Variants in PKHD1 observed in about 807,000 individuals in gnomAD.
The protein encoded by PKHD1 is fibrocystin.
A neutral mutation model predicts 412.0 loss-of-function variants in PKHD1; 291 were observed. That is an observed-to-expected ratio of 0.71 (90% CI 0.64 to 0.78). PKHD1 has a LOEUF of 0.78. PKHD1 is among the 30% of genes least tolerant of loss of function. The pLI, the probability that PKHD1 is intolerant of heterozygous loss-of-function variation, is 0.00. For synonymous variants in PKHD1, 1,777 were observed against 1,821.5 expected (o/e 0.98, Z 0.62); for missense variants, 4,825 against 4,950.7 (o/e 0.97, Z 0.76).
intron 46 of PKHD1, among the ~76,000 whole-genome samples, chr6:51,871,355 G>A (rs1775972074): frequency 1.8e-5 from 1 of 55,162 alleles, no homozygotes; most frequent in South Asian, 4.6e-4. Context: ...AATAAGGAAT[G>A]TAATATTGAT....
intron 48 of PKHD1, among the ~76,000 whole-genome samples, chr6:51,867,344 C>A (rs1436015099): frequency 6.6e-6 from 1 of 151,886 alleles, no homozygotes; most frequent in African/African-American, 2.4e-5. Context: ...GTCCTTGCTC[C>A]AATATTAATA....
intron 27 of PKHD1, among the ~76,000 whole-genome samples, chr6:52,037,569 A>G (rs1414725224): frequency 6.6e-6 from 1 of 152,226 alleles, no homozygotes; most frequent in East Asian, 1.9e-4. Flanking sequence ...CAATGCCCCT[A>G]AACACATGAA....
intron 53 of PKHD1, among the ~76,000 whole-genome samples, chr6:51,782,958 T>C (rs1195073168): frequency 2.0e-5 from 3 of 152,152 alleles, no homozygotes; most frequent in African/African-American, 7.2e-5. Context: ...TTCTTTAGGA[T>C]TGAGAAAGTC....
chr6:51,637,443 C>T (rs1175572489), intron 64 of PKHD1, among the ~76,000 whole-genome samples: 1 of 152,108 alleles, frequency 6.6e-6, no homozygotes, highest in Non-Finnish European at 1.5e-5. Context: ...ATAAATGTGA[C>T]TCTCATGAAA....
chr6:51,671,048 G>T (rs1475160452), intron 60 of PKHD1, among the ~76,000 whole-genome samples: 5 of 152,014 alleles, frequency 3.3e-5, no homozygotes, highest in Non-Finnish European at 7.3e-5. Flanking sequence ...TTCTCGAGGA[G>T]TATCTTTGTG....
At position 51,817,210 on chromosome 6, in the gene PKHD1, C is replaced by A. The variant is rs1765604344; in HGVS notation, c.8302+13651G>T. Reference sequence around the variant, plus strand: ...TTAGAAGTCAGCAATTTGGGAACCACTCTACATAAGGTATGTGCCTCTATT... The same window carrying A: ...TTAGAAGTCAGCAATTTGGGAACCAATCTACATAAGGTATGTGCCTCTATT... On this transcript the variant is annotated intron_variant, in intron 52 of 66. Coordinates refer to ENST00000371117, the MANE Select transcript of PKHD1 (RefSeq NM_138694.4). Among the ~76,000 whole-genome samples the A allele has an allele frequency of 2.0e-5, 3 of 152,292 alleles. No homozygotes were observed. The South Asian group carries it at 6.2e-4, about 32-fold the overall frequency.
intron 33 of PKHD1, among the ~76,000 whole-genome samples, chr6:52,022,202 T>A (rs1010059013): frequency 2.0e-5 from 3 of 152,148 alleles, no homozygotes; most frequent in African/African-American, 7.2e-5. Flanking sequence ...TACCACAATT[T>A]ATATGATCAC....
At chr6:51,721,546 C>G (rs1781928243) in intron 60 of PKHD1, 5 of 992,074 alleles carry the variant, frequency 5.0e-6, no homozygotes, top group Non-Finnish European at 4.8e-6. Flanking sequence ...GCTCTAATTC[C>G]AAAGATTTCA....
intron 8 of PKHD1, 76 bp from the exon 9 acceptor site, chr6:52,071,146 G>A (rs1329456071): frequency 9.2e-7 from 1 of 1,089,406 alleles, no homozygotes; most frequent in East Asian, 2.4e-5. Context: ...AACCAGGAAA[G>A]TAGAAAGCAA....
chr6:52,042,004 T>C (rs1266470903), intron 27 of PKHD1, among the ~76,000 whole-genome samples: 1 of 152,128 alleles, frequency 6.6e-6, no homozygotes, highest in Admixed American at 6.5e-5. Context: ...TATAACTCTA[T>C]AGAGAAAACT....
intron 21 of PKHD1, 114 bp downstream of exon 21, chr6:52,052,962 G>T: frequency 1.1e-6 from 1 of 930,882 alleles, no homozygotes; most frequent in Non-Finnish European, 1.7e-6. Context: ...GCCAAGGCAG[G>T]CAAAAAGGAG....
chr6:51,708,164 A>G (rs1009807235), intron 60 of PKHD1, among the ~76,000 whole-genome samples: 1 of 152,162 alleles, frequency 6.6e-6, no homozygotes, highest in Non-Finnish European at 1.5e-5. Flanking sequence ...GGATTCTCCC[A>G]GTACATGGCA....
At chr6:51,875,078 G>A (rs1450700519) in intron 46 of PKHD1, among the ~76,000 whole-genome samples, 3 of 22,302 alleles carry the variant, frequency 1.3e-4, no homozygotes, top group Non-Finnish European at 7.6e-5. Flanking sequence ...GGCGCACCAC[G>A]AGACTATATC....
intron 35 of PKHD1, among the ~76,000 whole-genome samples, chr6:52,002,811 T>C (rs776752125): frequency 2.8e-4 from 43 of 152,212 alleles, no homozygotes; most frequent in Non-Finnish European, 2.1e-4. Flanking sequence ...AGCCTCTAAA[T>C]AGCTATGTAT....
intron 25 of PKHD1, among the ~76,000 whole-genome samples, chr6:52,044,447 A>G (rs545715261): frequency 6.6e-6 from 1 of 152,222 alleles, no homozygotes; most frequent in East Asian, 1.9e-4. Flanking sequence ...GTACTGTTTC[A>G]TTTTTTCCAT....
chr6:51,667,924 T>C (rs1774128063), intron 60 of PKHD1, among the ~76,000 whole-genome samples: 1 of 152,174 alleles, frequency 6.6e-6, no homozygotes, highest in South Asian at 2.1e-4. Flanking sequence ...TTGGTAGCAG[T>C]ACCATGCTGT....
intron 24 of PKHD1, among the ~76,000 whole-genome samples, chr6:52,045,511 T>C (rs1166879059): frequency 6.6e-6 from 1 of 152,204 alleles, no homozygotes; most frequent in Non-Finnish European, 1.5e-5. Flanking sequence ...CACAACACCA[T>C]ACAACTAGGA....
At chr6:51,688,149 T>C (rs1777677898) in intron 60 of PKHD1, among the ~76,000 whole-genome samples, 1 of 152,224 alleles carries the variant, frequency 6.6e-6, no homozygotes, top group South Asian at 2.1e-4. Flanking sequence ...GAGATCTGTT[T>C]ATTAATTCGT....
rs1033342939 is a variant in PKHD1, at chr6:51,859,358, G to A, written c.7734-3288C>T. ...TGGCTAACACGGTGAAACCCCGTCT[G>A]TACTAAAAATACAAAAAATTAGCTG... On this transcript the variant is annotated intron_variant, in intron 48 of 66. Coordinates refer to ENST00000371117, the MANE Select transcript of PKHD1 (RefSeq NM_138694.4). Among the ~76,000 whole-genome samples the A allele has an allele frequency of 5.9e-5, 9 of 151,682 alleles. No homozygotes were observed. The East Asian group carries it at 1.8e-3, about 30-fold the overall frequency.
Sources: allele counts gnomAD v4.1 joint callset (sites outside exome capture counted in the v4.1 genomes callset), GRCh38; gene constraint gnomAD v4.1.1; transcripts MANE v1.5; gene names NCBI Gene and HGNC (gene_info 2026-07-23, HGNC 2026-07-21).